Variants in BNC2 observed in about 807,000 individuals in gnomAD.
BNC2 encodes the protein basonuclin zinc finger protein 2.
In BNC2, 20 loss-of-function variants were observed where a neutral mutation model predicts 76.3. That is an observed-to-expected ratio of 0.26 (90% confidence interval 0.18 to 0.38). The LOEUF (loss-of-function observed/expected upper bound fraction) is 0.38. Among genes scored for constraint, BNC2 ranks in the 10% least tolerant of loss-of-function variants. BNC2 has a pLI of 1.00. For missense variants in BNC2, 1,382 were observed against 1,399.8 expected (o/e 0.99, Z 0.20); for synonymous variants, 582 against 514.8 (o/e 1.13, Z -1.77).
chr9:16,686,701 T>C (rs1822988175), intron 3 of BNC2, among the ~76,000 whole-genome samples: 1 of 152,216 alleles, frequency 6.6e-6, no homozygotes, highest in African/African-American at 2.4e-5. Context: ...TAAAAGGTGC[T>C]TCCCTCTTTC....
chr9:16,412,720 GGAGAGAGAGAGAGAGAGAGAGA>G lies in BNC2; in HGVS notation c.*6247_*6268del, dbSNP rs58174243. The G allele has an allele frequency of 1.5e-4, 18 of 119,952 alleles. No homozygotes were observed. Among genetic ancestry groups the G allele is most frequent in the African/African-American group, 3.4e-4 (12 of 35,136 alleles). 7.4% of individuals were successfully genotyped at this position (119,952 alleles called of 1,614,324 possible). ...AATAAGAGGGAAGGAGAGAGAGAGGGGAGAGAGAGAGAGAGAGAGAGAGAGAGAGAGAGAGAGAGAGAGAGAC... is the reference window on the plus strand; with the variant it reads ...AATAAGAGGGAAGGAGAGAGAGAGGGGAGAGAGAGAGAGAGAGAGAGAGAC... On this transcript the variant is annotated 3_prime_UTR_variant, in exon 7 of 7. Coordinates refer to ENST00000380672, the MANE Select transcript of BNC2 (RefSeq NM_017637.6).
intron 2 of BNC2, among the ~76,000 whole-genome samples, chr9:16,734,307 T>C (rs535784246): frequency 6.6e-6 from 1 of 152,350 alleles, no homozygotes; most frequent in South Asian, 2.1e-4. Flanking sequence ...CTATTGCTTA[T>C]TCTCTTAAAA....
chr9:16,744,830 G>T (rs1350099864), intron 1 of BNC2, among the ~76,000 whole-genome samples: 1 of 152,178 alleles, frequency 6.6e-6, no homozygotes, highest in Non-Finnish European at 1.5e-5. Flanking sequence ...AAAGCTTATA[G>T]CATTTCAGTG....
intron 5 of BNC2, among the ~76,000 whole-genome samples, chr9:16,527,564 C>G (rs113722597): frequency 2.3e-3 from 343 of 152,290 alleles, no homozygotes; most frequent in African/African-American, 7.4e-3. Flanking sequence ...CTGAAAGAAC[C>G]TGCATAAGCT....
chr9:16,620,286 T>A (rs1003085534), intron 3 of BNC2, among the ~76,000 whole-genome samples: 1 of 152,324 alleles, frequency 6.6e-6, no homozygotes, highest in East Asian at 1.9e-4. Flanking sequence ...AGCTAAAATA[T>A]GACCCTTAAA....
chr9:16,737,598 T>C (rs1052492002), intron 2 of BNC2, among the ~76,000 whole-genome samples: 1 of 151,656 alleles, frequency 6.6e-6, no homozygotes, highest in Non-Finnish European at 1.5e-5. Context: ...CAGGCAAGTC[T>C]GGGAACTCCT....
intron 5 of BNC2, among the ~76,000 whole-genome samples, chr9:16,437,941 C>CTATAGGAA (rs1821053495): frequency 6.6e-6 from 1 of 152,102 alleles, no homozygotes; most frequent in African/African-American, 2.4e-5. Flanking sequence ...AATAGTGATA[C>CTATAGGAA]TATAGGAAGG....
rs34855187 is a variant in BNC2, at chr9:16,463,294, C to CTTTTT, written c.670-25775_670-25771dup. 8.1e-4 allele frequency among the ~76,000 whole-genome samples: 85 copies of CTTTTT among 105,590 alleles called. 1 individual carries two copies. Among genetic ancestry groups the CTTTTT allele is most frequent in the East Asian group, 1.6e-3 (6 of 3,746 alleles). The allele number at this position is 105,590 out of a possible 152,430, so 69.3% of individuals were successfully genotyped here. ...ACTGTGAGCATACAAGTATTAAATT[C>CTTTTT]TTTTTTTTTTTTTTTTTTTTGAGAC... On this transcript the variant is annotated intron_variant, in intron 5 of 6. Transcript: ENST00000380672.
intron 3 of BNC2, among the ~76,000 whole-genome samples, chr9:16,617,800 T>A (rs1174531248): frequency 6.6e-6 from 1 of 152,206 alleles, no homozygotes; most frequent in African/African-American, 2.4e-5. Context: ...ACAATTAACT[T>A]CAGCTATGCA....
intron 5 of BNC2, among the ~76,000 whole-genome samples, chr9:16,520,853 G>A (rs1055423119): frequency 3.3e-5 from 5 of 152,140 alleles, no homozygotes; most frequent in African/African-American, 9.7e-5. Context: ...CTTCAGTATG[G>A]CACAAGCATA....
At chr9:16,444,545 G>A (rs1223603303) in intron 5 of BNC2, among the ~76,000 whole-genome samples, 1 of 152,084 alleles carries the variant, frequency 6.6e-6, no homozygotes, top group Non-Finnish European at 1.5e-5. Flanking sequence ...CACCTCAGGA[G>A]TGAGTGATAG....
intron 3 of BNC2, among the ~76,000 whole-genome samples, chr9:16,722,768 G>A (rs1045461021): frequency 3.9e-4 from 60 of 152,054 alleles, no homozygotes; most frequent in African/African-American, 1.4e-3. Context: ...TTGCGTTAAC[G>A]TTTACATGTA....
At chr9:16,823,082 C>G (rs991925693) in intron 1 of BNC2, among the ~76,000 whole-genome samples, 2 of 152,134 alleles carry the variant, frequency 1.3e-5, no homozygotes, top group Non-Finnish European at 2.9e-5. Flanking sequence ...TCAAATCAGT[C>G]TTCTTCATAC....
At chr9:16,706,481 C>T (rs1352462607) in intron 3 of BNC2, among the ~76,000 whole-genome samples, 1 of 152,100 alleles carries the variant, frequency 6.6e-6, no homozygotes, top group Non-Finnish European at 1.5e-5. Flanking sequence ...AGGCCATGTC[C>T]CCTTTCAGTA....
intron 2 of BNC2, among the ~76,000 whole-genome samples, chr9:16,731,439 C>T (rs959919514): frequency 6.6e-6 from 1 of 152,140 alleles, no homozygotes; most frequent in African/African-American, 2.4e-5. Flanking sequence ...AATGTGAATA[C>T]TTCCCCCACA....
At chr9:16,628,923 A>G (rs1821078736) in intron 3 of BNC2, among the ~76,000 whole-genome samples, 2 of 152,336 alleles carry the variant, frequency 1.3e-5, no homozygotes, top group Non-Finnish European at 2.9e-5. Context: ...TCTGAAGGCA[A>G]TAAGTAATTA....
intron 3 of BNC2, among the ~76,000 whole-genome samples, chr9:16,608,301 T>C (rs1820439284): frequency 1.3e-5 from 2 of 152,190 alleles, no homozygotes; most frequent in African/African-American, 4.8e-5. Context: ...CTTAAAAAGC[T>C]AAGCACAGTG....
chr9:16,608,869 C>T (rs1820457662), intron 3 of BNC2, among the ~76,000 whole-genome samples: 2 of 152,192 alleles, frequency 1.3e-5, no homozygotes, highest in Non-Finnish European at 2.9e-5. Context: ...CCATTACATG[C>T]ATAAGTTTCA....
chr9:16,839,261 TCAAC>T (rs1818773882), intron 1 of BNC2, among the ~76,000 whole-genome samples: 1 of 152,242 alleles, frequency 6.6e-6, no homozygotes, highest in African/African-American at 2.4e-5. Context: ...TCAATACTGC[TCAAC>T]CAATCATAAC....
Sources: allele counts gnomAD v4.1 joint callset (sites outside exome capture counted in the v4.1 genomes callset), GRCh38; gene constraint gnomAD v4.1.1; transcripts MANE v1.5; gene names NCBI Gene and HGNC (gene_info 2026-07-23, HGNC 2026-07-21).